Variants in PPP6R3 observed in about 807,000 individuals in gnomAD.
The protein encoded by PPP6R3 is protein phosphatase 6 regulatory subunit 3, also known as serine/threonine-protein phosphatase 6 regulatory subunit 3.
Under a neutral mutation model 110.7 loss-of-function variants are expected in PPP6R3, and 38 were observed. The ratio of observed to expected loss-of-function variants is 0.34; its 90% CI spans 0.26 to 0.45. PPP6R3 has a LOEUF of 0.45. Among genes scored for constraint, PPP6R3 ranks in the 20% least tolerant of loss-of-function variants. The pLI, the probability that PPP6R3 is intolerant of heterozygous loss-of-function variation, is 1.00. For synonymous variants in PPP6R3, 369 were observed against 373.5 expected (o/e 0.99, Z 0.14); for missense variants, 870 against 1,062.4 (o/e 0.82, Z 2.52).
chr11:68,491,990 G>C (rs1396089458), intron 1 of PPP6R3, among the ~76,000 whole-genome samples: 1 of 152,086 alleles, frequency 6.6e-6, no homozygotes, highest in African/African-American at 2.4e-5. Context: ...ACTAACTCCT[G>C]CTCCCGCCCA....
chr11:68,514,878 C>A (rs1472681077), intron 1 of PPP6R3: 1 of 152,210 alleles, frequency 6.6e-6, no homozygotes, highest in Non-Finnish European at 1.5e-5. Flanking sequence ...AGCCACCATG[C>A]CTGGCCTGAA....
intron 1 of PPP6R3, among the ~76,000 whole-genome samples, chr11:68,472,851 T>C (rs1188877247): frequency 6.6e-6 from 1 of 152,230 alleles, no homozygotes; most frequent in African/African-American, 2.4e-5. Flanking sequence ...GGTGGTCTTT[T>C]GGGACCAGCT....
intron 4 of PPP6R3, among the ~76,000 whole-genome samples, chr11:68,546,229 T>C (rs1020473636): frequency 6.6e-6 from 1 of 152,218 alleles, no homozygotes. Flanking sequence ...TTTTCTGCCT[T>C]CTAGTTAGAA....
intron 2 of PPP6R3, among the ~76,000 whole-genome samples, chr11:68,534,959 T>C (rs1468558571): frequency 6.6e-6 from 1 of 152,178 alleles, no homozygotes; most frequent in Non-Finnish European, 1.5e-5. Flanking sequence ...TACTTTTGTC[T>C]TTTTTTCTAC....
intron 1 of PPP6R3, among the ~76,000 whole-genome samples, chr11:68,477,206 C>T (rs2153339525): frequency 6.6e-6 from 1 of 151,992 alleles, no homozygotes; most frequent in East Asian, 1.9e-4. Flanking sequence ...AAACTAGTAT[C>T]CTTAATTTTT....
intron 21 of PPP6R3, among the ~76,000 whole-genome samples, 161 bp from the exon 22 acceptor site, chr11:68,603,181 C>T (rs2099637003): frequency 6.6e-6 from 1 of 151,976 alleles, no homozygotes; most frequent in South Asian, 2.1e-4. Flanking sequence ...AAGTCTCTCC[C>T]CATCAAGAAT....
intron 1 of PPP6R3, among the ~76,000 whole-genome samples, chr11:68,506,769 A>G (rs2099080519): frequency 6.6e-6 from 1 of 152,188 alleles, no homozygotes; most frequent in Non-Finnish European, 1.5e-5. Context: ...CACTTATCTC[A>G]GATAATAACC....
intron 8 of PPP6R3, 147 bp from the exon 9 acceptor site, chr11:68,564,156 C>T (rs1355861241): frequency 1.1e-5 from 9 of 789,358 alleles, no homozygotes; most frequent in African/African-American, 1.7e-5. Context: ...CATTAACCCT[C>T]TTCTGCCTCA....
chr11:68,556,098 A>G (rs539078389), intron 7 of PPP6R3, among the ~76,000 whole-genome samples: 4 of 152,262 alleles, frequency 2.6e-5, no homozygotes, highest in Non-Finnish European at 5.9e-5. Context: ...ATGATATTAC[A>G]TATTAAATCA....
chr11:68,590,180 C>A (rs1179028500), intron 16 of PPP6R3, among the ~76,000 whole-genome samples: 1 of 152,200 alleles, frequency 6.6e-6, no homozygotes, highest in Non-Finnish European at 1.5e-5. Context: ...TTCTTTTACT[C>A]CCTCCTTGCT....
intron 23 of PPP6R3, among the ~76,000 whole-genome samples, chr11:68,611,163 ACT>A (rs146878617): frequency 0.012 from 1,841 of 151,872 alleles, 33 homozygotes; most frequent in African/African-American, 0.042. Context: ...TGGGCAAGTC[ACT>A]CTCTTTCTTG....
At chr11:68,582,964 G>A in intron 14 of PPP6R3, 79 bp from the exon 15 acceptor site, 1 of 1,069,172 alleles carries the variant, frequency 9.4e-7, no homozygotes, top group Non-Finnish European at 1.3e-6. Context: ...AACTAAATGT[G>A]ATTTTTCCAT....
intron 8 of PPP6R3, among the ~76,000 whole-genome samples, chr11:68,560,158 G>A (rs1476862315): frequency 6.6e-6 from 1 of 152,150 alleles, no homozygotes; most frequent in African/African-American, 2.4e-5. Flanking sequence ...AAAGGTAAAG[G>A]CAGGACAAAT....
At chr11:68,501,205 G>A (rs747838502) in intron 1 of PPP6R3, among the ~76,000 whole-genome samples, 3 of 152,160 alleles carry the variant, frequency 2.0e-5, no homozygotes, top group Non-Finnish European at 4.4e-5. Context: ...TAAGTTCTTT[G>A]TGGGTTAACA....
intron 2 of PPP6R3, chr11:68,522,790 A>G (rs1397212273): frequency 1.3e-5 from 2 of 152,242 alleles, no homozygotes; most frequent in African/African-American, 2.4e-5. Context: ...AGCATATCCT[A>G]TCAGATTCTA....
chr11:68,595,605 C>G (rs998200258), intron 18 of PPP6R3, among the ~76,000 whole-genome samples: 3 of 152,098 alleles, frequency 2.0e-5, no homozygotes, highest in Non-Finnish European at 2.9e-5. Context: ...AAACGACAAA[C>G]CATGCACTGG....
chr11:68,463,164 A>G (rs924170405), intron 1 of PPP6R3, among the ~76,000 whole-genome samples: 7 of 152,032 alleles, frequency 4.6e-5, no homozygotes, highest in Admixed American at 1.3e-4. Flanking sequence ...ACTTAAGGTC[A>G]GGAGTTCGAG....
intron 1 of PPP6R3, among the ~76,000 whole-genome samples, chr11:68,512,126 T>C (rs2099113936): frequency 6.6e-6 from 1 of 152,234 alleles, no homozygotes; most frequent in African/African-American, 2.4e-5. Flanking sequence ...TTTGACTGTG[T>C]ATATGCTTTT....
At chr11:68,476,621 T>C (rs1258488123) in intron 1 of PPP6R3, among the ~76,000 whole-genome samples, 1 of 152,248 alleles carries the variant, frequency 6.6e-6, no homozygotes, top group African/African-American at 2.4e-5. Context: ...TAAGTTTTGC[T>C]ATGTATAATT....
Sources: allele counts gnomAD v4.1 joint callset (sites outside exome capture counted in the v4.1 genomes callset), GRCh38; gene constraint gnomAD v4.1.1; transcripts MANE v1.5; gene names NCBI Gene and HGNC (gene_info 2026-07-23, HGNC 2026-07-21).